CCDC102B: variants seen among roughly 807,000 people sequenced by gnomAD.
The protein encoded by CCDC102B is coiled-coil domain-containing protein 102B.
CCDC102B carries 75 observed loss-of-function variants against 57.4 expected under a neutral mutation model. The ratio of observed to expected loss-of-function variants is 1.31; its 90% confidence interval spans 1.08 to 1.58. The LOEUF (loss-of-function observed/expected upper bound fraction) is 1.58. Ranked by LOEUF, CCDC102B falls within the 40% of genes most tolerant of loss-of-function variation. The pLI is 0.00. For synonymous variants in CCDC102B, 206 were observed against 201.9 expected (o/e 1.02, Z -0.17); for missense variants, 636 against 582.6 (o/e 1.09, Z -0.94).
intron 2 of CCDC102B, among the ~76,000 whole-genome samples, chr18:68,749,852 T>C (rs2033777134): frequency 6.6e-6 from 1 of 152,120 alleles, no homozygotes; most frequent in African/African-American, 2.4e-5. Context: ...GGCAATACCA[T>C]TCAGGACATA....
intron 2 of CCDC102B, among the ~76,000 whole-genome samples, chr18:68,739,202 G>A (rs1276317414): frequency 6.6e-6 from 1 of 152,002 alleles, no homozygotes; most frequent in Non-Finnish European, 1.5e-5. Flanking sequence ...CGCTGTGTTG[G>A]CCAGGCTGGT....
intron 1 of CCDC102B, among the ~76,000 whole-genome samples, chr18:68,814,731 T>C (rs1301464382): frequency 1.3e-5 from 2 of 152,006 alleles, no homozygotes; most frequent in African/African-American, 4.8e-5. Flanking sequence ...TTTTGAAAAA[T>C]ATAAATAGTC....
chr18:68,771,908 A>ACACATCT (rs2034653023), intron 2 of CCDC102B, among the ~76,000 whole-genome samples: 1 of 150,840 alleles, frequency 6.6e-6, no homozygotes, highest in African/African-American at 2.4e-5. Flanking sequence ...ACACACACAC[A>ACACATCT]TCTTCTGGAA....
At chr18:68,873,870 A>G (rs1274028447) in intron 4 of CCDC102B, among the ~76,000 whole-genome samples, 1 of 151,700 alleles carries the variant, frequency 6.6e-6, no homozygotes, top group African/African-American at 2.4e-5. Context: ...ATATATGTCA[A>G]TACAACAAAA....
intron 6 of CCDC102B, among the ~76,000 whole-genome samples, chr18:68,924,135 C>CT (rs1443606766): frequency 6.6e-6 from 1 of 150,724 alleles, no homozygotes; most frequent in Non-Finnish European, 1.5e-5. Context: ...TTCTTCCCCC[C>CT]CAAAACTTAT....
intron 7 of CCDC102B, among the ~76,000 whole-genome samples, chr18:69,027,763 G>T (rs755472508): frequency 1.3e-5 from 2 of 151,658 alleles, no homozygotes; most frequent in Admixed American, 1.3e-4. Flanking sequence ...CAGTGCATAC[G>T]TATGATATAG....
At chr18:68,973,101 A>G (rs1406335835) in intron 6 of CCDC102B, among the ~76,000 whole-genome samples, 1 of 152,134 alleles carries the variant, frequency 6.6e-6, no homozygotes, top group Non-Finnish European at 1.5e-5. Context: ...TCATATCGCT[A>G]CAGTATGCAT....
At chr18:68,978,751 A>G (rs1041889049) in intron 6 of CCDC102B, among the ~76,000 whole-genome samples, 1 of 152,100 alleles carries the variant, frequency 6.6e-6, no homozygotes, top group South Asian at 2.1e-4. Flanking sequence ...GTCATTATTC[A>G]TCAAGTGATT....
chr18:68,877,691 A>T (rs1013968914), intron 5 of CCDC102B, among the ~76,000 whole-genome samples: 1 of 152,246 alleles, frequency 6.6e-6, no homozygotes, highest in African/African-American at 2.4e-5. Flanking sequence ...TCATTGACTT[A>T]GAACTTTTCC....
At chr18:68,878,084 T>C (rs970231987) in intron 5 of CCDC102B, among the ~76,000 whole-genome samples, 4 of 152,226 alleles carry the variant, frequency 2.6e-5, no homozygotes, top group Admixed American at 1.3e-4. Flanking sequence ...TGATTTGTTC[T>C]ATATTTGACT....
intron 5 of CCDC102B, among the ~76,000 whole-genome samples, chr18:68,889,985 A>G (rs867766860): frequency 5.3e-5 from 8 of 152,264 alleles, no homozygotes; most frequent in Middle Eastern, 6.8e-3. Context: ...GACATCAAGC[A>G]TTTCTTCAAA....
chr18:68,954,150 G>C (rs1332238180), intron 6 of CCDC102B, among the ~76,000 whole-genome samples: 1 of 152,042 alleles, frequency 6.6e-6, no homozygotes, highest in Non-Finnish European at 1.5e-5. Flanking sequence ...TGGATGCAGT[G>C]GCTAAGCCTA....
chr18:68,988,072 C>A (rs1018172075), intron 6 of CCDC102B, among the ~76,000 whole-genome samples: 2 of 152,028 alleles, frequency 1.3e-5, no homozygotes, highest in African/African-American at 4.8e-5. Flanking sequence ...ATAAACGATT[C>A]TATTGTAAAG....
At chr18:69,049,215 G>A (rs1188561185) in intron 7 of CCDC102B, among the ~76,000 whole-genome samples, 1 of 151,868 alleles carries the variant, frequency 6.6e-6, no homozygotes, top group Admixed American at 6.6e-5. Context: ...GACAGGCCCT[G>A]CTGTGTGATG....
intron 4 of CCDC102B, among the ~76,000 whole-genome samples, chr18:68,849,754 G>A (rs1489132762): frequency 6.6e-6 from 1 of 152,002 alleles, no homozygotes; most frequent in African/African-American, 2.4e-5. Context: ...CTGACAGCAC[G>A]CTTTCCTACC....
chr18:68,972,307 T>C (rs1318510472), intron 6 of CCDC102B, among the ~76,000 whole-genome samples: 1 of 152,156 alleles, frequency 6.6e-6, no homozygotes, highest in Non-Finnish European at 1.5e-5. Context: ...CCCTGCCCTT[T>C]TTTTCCTTTC....
intron 2 of CCDC102B, among the ~76,000 whole-genome samples, chr18:68,785,335 A>G (rs1428667663): frequency 1.3e-5 from 2 of 152,166 alleles, no homozygotes; most frequent in African/African-American, 2.4e-5. Context: ...TCCTTTGGGT[A>G]TATACCCAGT....
chr18:68,761,847 C>T (rs1190328009), intron 2 of CCDC102B, among the ~76,000 whole-genome samples: 1 of 151,916 alleles, frequency 6.6e-6, no homozygotes, highest in Non-Finnish European at 1.5e-5. Flanking sequence ...TTTTTAAAAT[C>T]GTTATTTGTG....
chr18:68,770,968 G>T (rs1009780578), intron 2 of CCDC102B, among the ~76,000 whole-genome samples: 1 of 152,198 alleles, frequency 6.6e-6, no homozygotes, highest in South Asian at 2.1e-4. Context: ...GCATCACCCT[G>T]AAAGAAACAG....
Sources: allele counts gnomAD v4.1 joint callset (sites outside exome capture counted in the v4.1 genomes callset), GRCh38; gene constraint gnomAD v4.1.1; transcripts MANE v1.5; gene names NCBI Gene and HGNC (gene_info 2026-07-23, HGNC 2026-07-21).